IFT122: variants seen among roughly 807,000 people sequenced by gnomAD.
IFT122 encodes the protein intraflagellar transport protein 122 homolog.
A neutral mutation model predicts 161.6 loss-of-function variants in IFT122; 118 were observed. That is an observed-to-expected ratio of 0.73 (90% confidence interval 0.63 to 0.85). The LOEUF (loss-of-function observed/expected upper bound fraction) is 0.85, where lower values mean the gene tolerates loss of function less well. Ranked by LOEUF, IFT122 falls within the 40% of genes least tolerant of loss-of-function variation. The pLI is 0.00. For missense variants in IFT122, 1,381 were observed against 1,579.6 expected (o/e 0.87, Z 2.13); for synonymous variants, 550 against 602.4 (o/e 0.91, Z 1.27).
At chr3:129,509,985 G>C (rs1022155647) in intron 23 of IFT122, among the ~76,000 whole-genome samples, 1 of 152,200 alleles carries the variant, frequency 6.6e-6, no homozygotes, top group Non-Finnish European at 1.5e-5. Context: ...AGTGACCCTA[G>C]GTGGCAGCTA....
intron 15 of IFT122, chr3:129,487,891 G>T (rs1203793170): frequency 1.7e-5 from 6 of 363,346 alleles, no homozygotes; most frequent in Non-Finnish European, 3.2e-5. Flanking sequence ...CTCTGCAGAA[G>T]AGGTGACATT....
chr3:129,461,069 G>A lies in IFT122; in HGVS notation c.273-159G>A, dbSNP rs2076166405. 5 of 940,120 alleles carry A rather than the reference G, an allele frequency of 5.3e-6. No individual in the cohort carries two copies. The East Asian group carries it at 1.0e-4, about 19-fold the overall frequency. The allele number at this position is 940,120 out of a possible 1,614,324, so 58.2% of individuals were successfully genotyped here. A position where few individuals can be genotyped will look rare whatever the true frequency, so the allele number is the denominator to read the frequency against. ...GAGGAGAAGGAGAATTAATTCTTTA[G>A]GAGTAGGAGAATTAATTTCTGTGCT... On this transcript the variant is annotated intron_variant, in intron 4 of 29. Transcript: ENST00000348417.
intron 3 of IFT122, among the ~76,000 whole-genome samples, chr3:129,457,657 C>A (rs547558007): frequency 6.6e-6 from 1 of 150,960 alleles, no homozygotes; most frequent in South Asian, 2.1e-4. Flanking sequence ...AAAAGGAGTA[C>A]ATTTTTGAGA....
chr3:129,506,429 C>G lies in IFT122; in HGVS notation c.2671C>G (p.Gln891Glu), dbSNP rs1189958321. 31 of 1,614,032 alleles carry G rather than the reference C, an allele frequency of 1.9e-5. No homozygotes were observed. The highest frequency in any genetic ancestry group is 2.5e-5 in the Non-Finnish European group (29 of 1,180,046). ...TACAGCGTTCCACAAGGCTGGGCGA[C>G]AGAGAGAAGCGGTCCAGGTGCTGGA... ...AQKAFHKAGR[Q>E]REAVQVLEQL... Residue 891 changes from glutamine to glutamate, a missense_variant, in exon 22 of 30, where the codon CAG becomes GAG. Physicochemically the swap from Gln to Glu is conservative, Grantham distance 29. Coordinates refer to ENST00000348417, the MANE Select transcript of IFT122 (RefSeq NM_052989.3).
chr3:129,504,838 G>A (rs1482453320), intron 21 of IFT122, among the ~76,000 whole-genome samples: 2 of 152,192 alleles, frequency 1.3e-5, no homozygotes, highest in Admixed American at 6.5e-5. Context: ...CTAGGAAGTG[G>A]CAGGGAGGTA....
At position 129,507,752 on chromosome 3, in the gene IFT122, A is replaced by G. The variant is rs368568826; in HGVS notation, c.2876A>G (p.His959Arg). The change falls in exon 23 of 30, where the codon CAT becomes CGT. Residue 959 changes from histidine to arginine, a missense_variant. Coordinates refer to ENST00000348417, the MANE Select transcript of IFT122 (RefSeq NM_052989.3). ...CTGTACCATGGTTACCATGCCATCC[A>G]TCGCCACACGGTAAGGTGGCTGGGT... ...AELYHGYHAIHRHTEDPFSVH... is the reference protein window; with the variant it reads ...AELYHGYHAIRRHTEDPFSVH... 2.6e-5 allele frequency: 42 copies of G among 1,613,698 alleles called. No homozygotes were observed. Among genetic ancestry groups the G allele is most frequent in the Non-Finnish European group, 3.1e-5 (37 of 1,179,788 alleles).
intron 4 of IFT122, chr3:129,459,397 C>T (rs963558319): frequency 4.9e-6 from 2 of 407,644 alleles, no homozygotes; most frequent in African/African-American, 2.1e-5. Flanking sequence ...TCACGCCATT[C>T]TCCTGCCTCA....
rs148540595 is a variant in IFT122 at position 129,515,274 on chromosome 3, C to T, written c.3154-214C>T. On this transcript the variant is annotated intron_variant, in intron 25 of 29. Transcript: ENST00000348417. Reference sequence around the variant, plus strand: ...GCTGCCTGTGCAGGTGTCTTGGGCACGGGGACCCAAGTGACAGGGCTTGGG... The same window carrying T: ...GCTGCCTGTGCAGGTGTCTTGGGCATGGGGACCCAAGTGACAGGGCTTGGG... 1.3e-4 allele frequency: 79 copies of T among 625,902 alleles called. 1 individual carries two copies. Among genetic ancestry groups the T allele is most frequent in the African/African-American group, 9.3e-4 (51 of 54,650 alleles). The allele number at this position is 625,902 out of a possible 1,614,324, so 38.8% of individuals were successfully genotyped here. A position where few individuals can be genotyped will look rare whatever the true frequency, so the allele number is the denominator to read the frequency against.
intron 3 of IFT122, among the ~76,000 whole-genome samples, chr3:129,457,732 G>GTTTTTT (rs971386664): frequency 3.3e-5 from 4 of 119,624 alleles, no homozygotes; most frequent in Admixed American, 9.7e-5. Flanking sequence ...CACAGGAATA[G>GTTTTTT]TTTTTTTTTT....
At chr3:129,483,785 A>C (rs2078948784) in intron 15 of IFT122, 103 bp downstream of exon 15, 1 of 1,203,748 alleles carries the variant, frequency 8.3e-7, no homozygotes, top group Admixed American at 2.0e-5. Context: ...CAAGGAGAGA[A>C]GAATGGCAGC....
At chr3:129,510,344 G>A (rs2082682846) in intron 23 of IFT122, among the ~76,000 whole-genome samples, 1 of 152,212 alleles carries the variant, frequency 6.6e-6, no homozygotes, top group South Asian at 2.1e-4. Flanking sequence ...TGGCAAGAAG[G>A]ACTCCTGACA....
At chr3:129,483,153 AAC>A (rs1327916902) in intron 14 of IFT122, among the ~76,000 whole-genome samples, 1 of 152,280 alleles carries the variant, frequency 6.6e-6, no homozygotes, top group Non-Finnish European at 1.5e-5. Context: ...CATTATAAAA[AAC>A]AATCCATGCT....
chr3:129,504,808 A>G (rs2108566368), intron 21 of IFT122, among the ~76,000 whole-genome samples: 1 of 152,196 alleles, frequency 6.6e-6, no homozygotes, highest in East Asian at 1.9e-4. Flanking sequence ...AGGTGAAGAA[A>G]TTTGCCTGAA....
chr3:129,461,015 C>T (rs1325584060), intron 4 of IFT122: 2 of 1,207,160 alleles, frequency 1.7e-6, no homozygotes, highest in Admixed American at 1.7e-5. Flanking sequence ...AAGTGAGTCC[C>T]CATCTCTACA....
chr3:129,495,855 G>T (rs1419439991), intron 18 of IFT122, among the ~76,000 whole-genome samples: 3 of 152,222 alleles, frequency 2.0e-5, no homozygotes, highest in Non-Finnish European at 4.4e-5. Flanking sequence ...CAGTGACAGG[G>T]CTGGATGGCT....
chr3:129,484,250 T>G (rs1270877769), intron 15 of IFT122, among the ~76,000 whole-genome samples: 1 of 152,056 alleles, frequency 6.6e-6, no homozygotes, highest in Non-Finnish European at 1.5e-5. Flanking sequence ...CGCCTGAGAT[T>G]GACCTCCCGA....
At chr3:129,494,628 G>A (rs117817067) in intron 17 of IFT122, among the ~76,000 whole-genome samples, 252 of 152,250 alleles carry the variant, frequency 1.7e-3, no homozygotes, top group East Asian at 0.014. Flanking sequence ...TACTCGAGCT[G>A]TAGACAAGCG....
intron 1 of IFT122, among the ~76,000 whole-genome samples, chr3:129,446,637 T>C (rs1195833784): frequency 6.6e-6 from 1 of 152,220 alleles, no homozygotes; most frequent in Non-Finnish European, 1.5e-5. Context: ...ATTTCTTAAA[T>C]GTATTTGATT....
At chr3:129,488,236 T>A (rs763872640) in intron 15 of IFT122, 21 bp from the exon 16 acceptor site, 4 of 1,613,932 alleles carry the variant, frequency 2.5e-6, no homozygotes, top group African/African-American at 2.7e-5. Context: ...CTTCTTTTTT[T>A]CCCTTGATGA....
Sources: allele counts gnomAD v4.1 joint callset (sites outside exome capture counted in the v4.1 genomes callset), GRCh38; gene constraint gnomAD v4.1.1; transcripts MANE v1.5; gene names NCBI Gene and HGNC (gene_info 2026-07-23, HGNC 2026-07-21).